Variants in CCDC146 observed in about 807,000 individuals in gnomAD.
CCDC146 encodes coiled-coil domain-containing protein 146.
Under a neutral mutation model 119.3 loss-of-function variants are expected in CCDC146, and 92 were observed. That is an observed-to-expected ratio of 0.77 (90% confidence interval 0.65 to 0.92). The LOEUF (loss-of-function observed/expected upper bound fraction) is 0.92, where lower values mean the gene tolerates loss of function less well. CCDC146 is among the 40% of genes least tolerant of loss of function. The pLI, the probability that CCDC146 is intolerant of heterozygous loss-of-function variation, is 0.00. For missense variants in CCDC146, 1,000 were observed against 1,103.0 expected, an observed-to-expected ratio of 0.91 and a Z score of 1.32; for synonymous variants, 372 against 371.8, an observed-to-expected ratio of 1.00 and a Z score of -0.01.
intron 4 of CCDC146, 140 bp from the exon 5 acceptor site, chr7:77,254,366 G>A: frequency 3.5e-6 from 2 of 567,376 alleles, no homozygotes; most frequent in Non-Finnish European, 6.3e-6. Context: ...ATTCAGGAAA[G>A]GTGTCATAAA....
rs139795053 is a variant in CCDC146, at chr7:77,252,658, C to T, written c.450-1848C>T. Among the ~76,000 whole-genome samples, 704 of 152,212 alleles carry T rather than the reference C, an allele frequency of 4.6e-3. 3 individuals carry two copies. The highest frequency in any genetic ancestry group is 6.8e-3 in the Middle Eastern group (2 of 294). On this transcript the variant is annotated intron_variant, in intron 4 of 18. Transcript: ENST00000285871. ...CTGAACTGGAAATAAGGATGTTTAA[C>T]GCATCACTGTAACTGGCACTGTGGA... is the stretch of plus-strand genomic sequence containing the variant.
chr7:77,222,650 G>A (rs1329290518), intron 2 of CCDC146, among the ~76,000 whole-genome samples: 3 of 152,250 alleles, frequency 2.0e-5, no homozygotes, highest in East Asian at 1.9e-4. Flanking sequence ...GGTCAGGGAA[G>A]TGGCTTTTGT....
intron 17 of CCDC146, among the ~76,000 whole-genome samples, chr7:77,288,812 C>T (rs1229199935): frequency 1.3e-5 from 2 of 152,208 alleles, no homozygotes; most frequent in East Asian, 3.8e-4. Flanking sequence ...CTGTGGGCTC[C>T]TGAGGGCAGC....
At position 77,254,509 on chromosome 7, in the gene CCDC146, AAAGG is replaced by A; in HGVS notation, c.457_460del (p.Glu153LysfsTer5). 1 of 1,516,752 alleles carries A rather than the reference AAAGG, an allele frequency of 6.6e-7. No homozygotes were observed. The highest frequency in any genetic ancestry group is 9.1e-7 in the Non-Finnish European group (1 of 1,101,930). The allele number at this position is 1,516,752 out of a possible 1,614,324, so 94.0% of individuals were successfully genotyped here. ...ACTTGATTTTTTTTTTTTGCAGCTT[AAAGG>A]AAGAAAAAATCATCATAGTAAAAGA... On this transcript the variant is annotated frameshift_variant, in exon 5 of 19. Transcript: ENST00000285871.
chr7:77,197,415 G>A (rs984109612), intron 2 of CCDC146, among the ~76,000 whole-genome samples: 4 of 152,206 alleles, frequency 2.6e-5, no homozygotes, highest in Admixed American at 2.6e-4. Flanking sequence ...AAGATCAGTG[G>A]CTTGCCCACC....
At chr7:77,287,373 T>C (rs1306260753) in intron 16 of CCDC146, 67 bp from the exon 17 acceptor site, 8 of 1,549,032 alleles carry the variant, frequency 5.2e-6, no homozygotes, top group Non-Finnish European at 7.1e-6. Flanking sequence ...ACTGCTCTAA[T>C]TAGGAAATAA....
At chr7:77,233,681 G>T (rs1006109890) in intron 2 of CCDC146, among the ~76,000 whole-genome samples, 1 of 152,082 alleles carries the variant, frequency 6.6e-6, no homozygotes, top group Non-Finnish European at 1.5e-5. Context: ...TCACAATGGG[G>T]TTTATGCTCC....
At chr7:77,251,293 A>T (rs908179270) in intron 4 of CCDC146, among the ~76,000 whole-genome samples, 3 of 152,100 alleles carry the variant, frequency 2.0e-5, no homozygotes, top group African/African-American at 2.4e-5. Context: ...AAGTGCTGGG[A>T]TTACAGGCAT....
chr7:77,290,486 C>T (rs1364334761), intron 17 of CCDC146, among the ~76,000 whole-genome samples: 1 of 152,180 alleles, frequency 6.6e-6, no homozygotes, highest in Admixed American at 6.5e-5. Flanking sequence ...AAGGCAGCAA[C>T]ATTTAAAGAA....
At chr7:77,232,880 A>G (rs974605607) in intron 2 of CCDC146, among the ~76,000 whole-genome samples, 1 of 152,224 alleles carries the variant, frequency 6.6e-6, no homozygotes. Flanking sequence ...ACTGGCTGCA[A>G]GCCTGCCCAG....
chr7:77,272,378 C>T (rs1793541566), intron 9 of CCDC146, among the ~76,000 whole-genome samples: 1 of 152,196 alleles, frequency 6.6e-6, no homozygotes, highest in African/African-American at 2.4e-5. Context: ...TGAAGATACC[C>T]TGATTCATGG....
rs759487396 is a variant in CCDC146, at chr7:77,294,820, A to G, written c.2822A>G (p.Asn941Ser). 1.2e-6 allele frequency: 2 copies of G among 1,614,182 alleles called. No homozygotes were observed. Among genetic ancestry groups the G allele is most frequent in the South Asian group, 1.1e-5 (1 of 91,078 alleles). ...TTTAAACCCAGTGAACCTGGAGCCA[A>G]TATGAGGCACATAAGGAAACCTGTT... is the stretch of plus-strand genomic sequence containing the variant. The part of the protein sequence containing the change: ...APFKPSEPGA[N>S]MRHIRKPVIK... The change falls in exon 19 of 19, where the codon AAT becomes AGT. Residue 941 changes from asparagine to serine, a missense_variant. Physicochemically the swap from Asn to Ser is conservative, Grantham distance 46. Around this residue, in one of 2 missense-constraint regions of CCDC146, gnomAD observed 985 missense variants for 1,045.3 expected, o/e 0.94. Transcript: ENST00000285871.
chr7:77,224,680 A>G (rs568188124), intron 2 of CCDC146, among the ~76,000 whole-genome samples: 1 of 152,288 alleles, frequency 6.6e-6, no homozygotes, highest in South Asian at 2.1e-4. Flanking sequence ...ACAGGTTTGG[A>G]GAAGGCGGCA....
In CCDC146 at chr7:77,293,308, A is replaced by T. The variant is rs183095568; in HGVS notation, c.2664+108A>T. The stretch of plus-strand genomic sequence containing the variant: ...AAGAAAAATTTCCCCACTCTACCAC[A>T]CACAGTCCCAACAGTCGTTAGAAGT... On this transcript the variant is annotated intron_variant, in intron 18 of 18. Transcript: ENST00000285871. 6.7e-5 allele frequency: 77 copies of T among 1,149,108 alleles called. 1 individual carries two copies. The African/African-American group carries it at 1.0e-3, about 15-fold the overall frequency. 71.2% of individuals were successfully genotyped at this position (1,149,108 alleles called of 1,614,324 possible).
chr7:77,256,249 G>T, intron 5 of CCDC146, 84 bp from the exon 6 acceptor site: 1 of 905,016 alleles, frequency 1.1e-6, no homozygotes, highest in Non-Finnish European at 1.6e-6. Flanking sequence ...CAAAATGGTG[G>T]GTGAAATTAG....
chr7:77,152,456 A>G (rs1584027727), intron 1 of CCDC146, among the ~76,000 whole-genome samples: 1 of 152,202 alleles, frequency 6.6e-6, no homozygotes, highest in African/African-American at 2.4e-5. Flanking sequence ...AAAGGAGGCT[A>G]TGAAATTTGT....
chr7:77,151,392 A>C (rs10244906), intron 1 of CCDC146, among the ~76,000 whole-genome samples: 1 of 151,958 alleles, frequency 6.6e-6, no homozygotes, highest in Non-Finnish European at 1.5e-5. Context: ...GGGGATGGGA[A>C]TGGGAGGGGA....
At chr7:77,143,664 T>A (rs998034910) in intron 1 of CCDC146, among the ~76,000 whole-genome samples, 4 of 151,846 alleles carry the variant, frequency 2.6e-5, no homozygotes, top group Non-Finnish European at 5.9e-5. Flanking sequence ...CACCATTTTT[T>A]AAATAGGGAA....
intron 3 of CCDC146, among the ~76,000 whole-genome samples, chr7:77,237,881 C>G (rs1158839818): frequency 6.6e-6 from 1 of 152,134 alleles, no homozygotes; most frequent in East Asian, 1.9e-4. Flanking sequence ...TTCCTTCCCC[C>G]ACCTCTTGTC....
Sources: gnomAD v4.1 joint callset for allele counts (sites outside exome capture counted in the v4.1 genomes callset) on GRCh38, gnomAD v4.1.1 for gene constraint, gnomAD v4.1.1 regional missense constraint, MANE v1.5 for transcripts, NCBI Gene and HGNC (gene_info 2026-07-23, HGNC 2026-07-21) for gene names.